The following P2RY12 variants were observed in gnomAD, a reference collection of about 807,000 sequenced individuals.
P2RY12 encodes the protein P2Y purinoceptor 12.
In P2RY12, 3 loss-of-function variants were observed where a neutral mutation model predicts 4.5. The ratio of observed to expected loss-of-function variants is 0.67; its 90% CI spans 0.31 to 1.74. The LOEUF (loss-of-function observed/expected upper bound fraction) is 1.74, where lower values mean the gene tolerates loss of function less well. P2RY12 is among the 40% of genes most tolerant of loss of function. The pLI is 0.09. For missense variants in P2RY12, 356 were observed against 407.8 expected, an observed-to-expected ratio of 0.87 and a Z score of 1.09; for synonymous variants, 148 against 154.1, an observed-to-expected ratio of 0.96 and a Z score of 0.29.
intron 1 of P2RY12, among the ~76,000 whole-genome samples, chr3:151,374,953 C>T (rs552739000): frequency 2.6e-5 from 4 of 151,918 alleles, no homozygotes; most frequent in Non-Finnish European, 1.5e-5. Context: ...AGTGACATAC[C>T]TTATATATTA....
intron 1 of P2RY12, among the ~76,000 whole-genome samples, chr3:151,341,345 G>A (rs1374332672): frequency 5.3e-5 from 8 of 151,974 alleles, no homozygotes; most frequent in South Asian, 2.1e-4. Flanking sequence ...TCCATTGCCA[G>A]GCTTATTATA....
At chr3:151,343,272 A>G (rs986803746) in intron 1 of P2RY12, among the ~76,000 whole-genome samples, 2 of 152,242 alleles carry the variant, frequency 1.3e-5, no homozygotes, top group African/African-American at 4.8e-5. Flanking sequence ...TAACAAATCA[A>G]TCTGCCATAT....
At chr3:151,377,102 A>G in intron 1 of P2RY12, 1 of 1,614,100 alleles carries the variant, frequency 6.2e-7, no homozygotes, top group South Asian at 1.1e-5. Flanking sequence ...TTCTGGCATG[A>G]GCCTCTTCAA....
chr3:151,352,672 G>C (rs748068934), intron 1 of P2RY12, among the ~76,000 whole-genome samples: 22 of 152,148 alleles, frequency 1.4e-4, no homozygotes, highest in Non-Finnish European at 2.5e-4. Context: ...AGATCAGCCA[G>C]GTCTTGCCTA....
intron 1 of P2RY12, among the ~76,000 whole-genome samples, chr3:151,362,521 G>A (rs1340461733): frequency 6.6e-6 from 1 of 151,944 alleles, no homozygotes; most frequent in African/African-American, 2.4e-5. Context: ...GTCTCCCTGA[G>A]CACACCATTT....
intron 1 of P2RY12, among the ~76,000 whole-genome samples, chr3:151,370,764 A>G (rs1756075573): frequency 6.6e-6 from 1 of 152,248 alleles, no homozygotes; most frequent in South Asian, 2.1e-4. Flanking sequence ...AGAAGCTAGC[A>G]AAGAATCAGT....
intron 1 of P2RY12, among the ~76,000 whole-genome samples, chr3:151,359,452 C>T (rs559657653): frequency 2.0e-4 from 30 of 152,250 alleles, no homozygotes; most frequent in African/African-American, 6.7e-4. Context: ...CAAGAAGTCT[C>T]CTTGGTTCCA....
chr3:151,347,139 T>C (rs575615840), intron 1 of P2RY12, among the ~76,000 whole-genome samples: 32 of 134,658 alleles, frequency 2.4e-4, no homozygotes, highest in African/African-American at 8.0e-4. Context: ...TAAAACTTAG[T>C]TCACCCTACA....
chr3:151,381,281 G>A (rs1712292378), intron 1 of P2RY12, among the ~76,000 whole-genome samples: 1 of 152,062 alleles, frequency 6.6e-6, no homozygotes, highest in African/African-American at 2.4e-5. Context: ...TGATCCTCTT[G>A]TCATTTCTCA....
intron 1 of P2RY12, chr3:151,380,013 C>G: frequency 1.4e-6 from 1 of 723,262 alleles, no homozygotes; most frequent in Admixed American, 3.0e-5. Context: ...TTTACCACCT[C>G]TCTTATTTAT....
At chr3:151,353,520 A>C (rs1344733760) in intron 1 of P2RY12, among the ~76,000 whole-genome samples, 4 of 152,252 alleles carry the variant, frequency 2.6e-5, no homozygotes, top group African/African-American at 4.8e-5. Flanking sequence ...GCACCTTTAA[A>C]TTCTGATGTA....
At chr3:151,352,255 T>G (rs1159258025) in intron 1 of P2RY12, among the ~76,000 whole-genome samples, 1 of 152,224 alleles carries the variant, frequency 6.6e-6, no homozygotes, top group African/African-American at 2.4e-5. Flanking sequence ...TGACATTATG[T>G]CTGCACTCAA....
intron 1 of P2RY12, among the ~76,000 whole-genome samples, chr3:151,354,033 T>C (rs1003899646): frequency 9.6e-5 from 14 of 145,312 alleles, no homozygotes; most frequent in Non-Finnish European, 1.7e-4. Flanking sequence ...CCCAGCTACT[T>C]GGGAGGCTGA....
At chr3:151,357,491 AT>A in intron 1 of P2RY12, 1 of 899,076 alleles carries the variant, frequency 1.1e-6, no homozygotes, top group Non-Finnish European at 1.6e-6. Context: ...TAGTTAAAAC[AT>A]GGTTAAAGAA....
chr3:151,380,880 A>G (rs1045553270), intron 1 of P2RY12, among the ~76,000 whole-genome samples: 2 of 152,204 alleles, frequency 1.3e-5, no homozygotes, highest in African/African-American at 4.8e-5. Flanking sequence ...CAGCTCCTCA[A>G]GCTTGGATGC....
chr3:151,369,092 AAAGT>A (rs1469025271), intron 1 of P2RY12, among the ~76,000 whole-genome samples: 6 of 152,196 alleles, frequency 3.9e-5, no homozygotes, highest in Non-Finnish European at 8.8e-5. Flanking sequence ...TAAAAGGAAT[AAAGT>A]AAGAATTTTA....
At chr3:151,369,782 T>G (rs960494160) in intron 1 of P2RY12, among the ~76,000 whole-genome samples, 7 of 152,204 alleles carry the variant, frequency 4.6e-5, no homozygotes, top group Admixed American at 4.6e-4. Context: ...TTATGGTATT[T>G]TAGTTGCATA....
At chr3:151,344,805 T>G (rs965144442) in intron 1 of P2RY12, among the ~76,000 whole-genome samples, 2 of 152,236 alleles carry the variant, frequency 1.3e-5, no homozygotes, top group African/African-American at 4.8e-5. Flanking sequence ...ATTTAAAAAT[T>G]CTATGATAAT....
At chr3:151,370,150 G>A (rs1240851755) in intron 1 of P2RY12, among the ~76,000 whole-genome samples, 1 of 152,030 alleles carries the variant, frequency 6.6e-6, no homozygotes, top group Non-Finnish European at 1.5e-5. Flanking sequence ...TTATTTGTAA[G>A]AATTTTCCTG....
Sources: gnomAD v4.1 joint callset for allele counts (sites outside exome capture counted in the v4.1 genomes callset) on GRCh38, gnomAD v4.1.1 for gene constraint, MANE v1.5 for transcripts, NCBI Gene and HGNC (gene_info 2026-07-23, HGNC 2026-07-21) for gene names.